The following NPC2 variants were observed in gnomAD, a reference collection of about 807,000 sequenced individuals.
NPC2 encodes the protein Niemann-Pick disease type C2 protein.
A neutral mutation model predicts 17.0 loss-of-function variants in NPC2; 14 were observed. The ratio of observed to expected loss-of-function variants is 0.82; its 90% CI spans 0.54 to 1.29. NPC2 has a LOEUF of 1.29. Among genes scored for constraint, NPC2 ranks in the 50% most tolerant of loss-of-function variants. NPC2 has a pLI of 0.00. For missense variants in NPC2, 167 were observed against 183.4 expected (o/e 0.91, Z 0.52); for synonymous variants, 75 against 69.3 (o/e 1.08, Z -0.41).
intron 1 of NPC2, among the ~76,000 whole-genome samples, chr14:74,489,085 C>T (rs1211007833): frequency 1.3e-5 from 2 of 152,152 alleles, no homozygotes; most frequent in African/African-American, 4.8e-5. Flanking sequence ...AAGAGGAGTA[C>T]AGAGGTTAAG....
At chr14:74,480,654 C>A (rs2086646472) in intron 4 of NPC2, 48 bp downstream of exon 4, 1 of 1,438,536 alleles carries the variant, frequency 7.0e-7, no homozygotes, top group Non-Finnish European at 9.8e-7. Flanking sequence ...GATTTCTCCT[C>A]CACTTTCTTC....
In NPC2 at chr14:74,489,263, T is replaced by C. The variant is rs147874233; in HGVS notation, c.83-2827A>G. ...AATATTAACTTGGCCTAGGTCTATA[T>C]AGCTGCTGGGAATGATACACTTGCA... On this transcript the variant is annotated intron_variant, in intron 1 of 4. Coordinates refer to ENST00000555619, the MANE Select transcript of NPC2 (RefSeq NM_006432.5). Among the ~76,000 whole-genome samples, 249 of 152,322 alleles carry C rather than the reference T, an allele frequency of 1.6e-3. 1 individual carries two copies. The highest frequency in any genetic ancestry group is 3.6e-3 in the African/African-American group (151 of 41,578).
chr14:74,485,453 T>C (rs1006106757), intron 2 of NPC2, among the ~76,000 whole-genome samples: 1 of 152,024 alleles, frequency 6.6e-6, no homozygotes, highest in African/African-American at 2.4e-5. Flanking sequence ...TAGGGTATTT[T>C]GGAGACCCAG....
At position 74,480,376 on chromosome 14, in the gene NPC2, C is replaced by T. The variant is rs553425159; in HGVS notation, c.442-88G>A. On this transcript the variant is annotated intron_variant, in intron 4 of 4. Transcript: ENST00000555619. ...AATAACCCTAGGGCAAGTTATCAGA[C>T]ATTCCTAAGCAACCTCCTTCAGGTC... 49 of 1,156,962 alleles carry T rather than the reference C, an allele frequency of 4.2e-5. 1 individual carries two copies. The South Asian group carries it at 4.9e-4, about 12-fold the overall frequency. 71.7% of individuals were successfully genotyped at this position (1,156,962 alleles called of 1,614,324 possible).
At chr14:74,488,643 G>C in intron 1 of NPC2, among the ~76,000 whole-genome samples, 1 of 152,168 alleles carries the variant, frequency 6.6e-6, no homozygotes, top group East Asian at 1.9e-4. Flanking sequence ...GAACTGGGGA[G>C]GCAGAGGTTG....
At chr14:74,483,555 C>T in intron 3 of NPC2, 1 of 1,408,316 alleles carries the variant, frequency 7.1e-7, no homozygotes, top group Non-Finnish European at 9.5e-7. Context: ...GAATGAAGAA[C>T]TATTGCCTAA....
intron 3 of NPC2, chr14:74,483,531 G>C: frequency 6.7e-7 from 1 of 1,503,620 alleles, no homozygotes; most frequent in Non-Finnish European, 8.9e-7. Context: ...CAGCAGCTCT[G>C]AGCTAGGTTA....
chr14:74,492,932 T>C (rs1233081512), intron 1 of NPC2, among the ~76,000 whole-genome samples: 1 of 152,190 alleles, frequency 6.6e-6, no homozygotes, highest in Non-Finnish European at 1.5e-5. Context: ...TTTAGGAAAC[T>C]TCAGCAAAAG....
intron 3 of NPC2, among the ~76,000 whole-genome samples, chr14:74,481,478 A>G (rs892718615): frequency 3.3e-5 from 5 of 152,254 alleles, no homozygotes; most frequent in African/African-American, 1.2e-4. Context: ...ATGGACTAAC[A>G]CATGAAGGCT....
At chr14:74,482,807 T>A (rs929404755) in intron 3 of NPC2, among the ~76,000 whole-genome samples, 1 of 151,808 alleles carries the variant, frequency 6.6e-6, no homozygotes, top group African/African-American at 2.4e-5. Context: ...AGGATGGTCA[T>A]GAGATCCAAG....
rs1011669605 is a variant in NPC2 at position 74,484,514 on chromosome 14, A to G, written c.264T>C (p.Pro88=). ...TTCCACTCTTACAACCATCAGGCTC[A>G]GGAATGGGAAAGGGAACTGGGACGC... The part of the protein sequence containing the change: ...LMGVPVPFPI[P]EPDGCKSGIN... The change falls in exon 3 of 5, where the codon CCT becomes CCC. Residue 88 remains proline, a synonymous_variant. Coordinates refer to ENST00000555619, the MANE Select transcript of NPC2 (RefSeq NM_006432.5). 12 of 1,614,048 alleles carry G rather than the reference A, an allele frequency of 7.4e-6. No individual in the cohort carries two copies. In the African/African-American group the frequency reaches 1.2e-4, roughly 16 times the overall value.
chr14:74,481,799 G>A (rs180866143), intron 3 of NPC2, among the ~76,000 whole-genome samples: 80 of 152,274 alleles, frequency 5.3e-4, no homozygotes, highest in Non-Finnish European at 8.8e-4. Flanking sequence ...CTCATATCAC[G>A]TGAGTGGTCC....
At chr14:74,491,731 C>T (rs1053232522) in intron 1 of NPC2, among the ~76,000 whole-genome samples, 1 of 152,208 alleles carries the variant, frequency 6.6e-6, no homozygotes, top group African/African-American at 2.4e-5. Flanking sequence ...TGAAAGAGAT[C>T]AGGACTCACC....
chr14:74,488,718 A>T (rs1353399454), intron 1 of NPC2, among the ~76,000 whole-genome samples: 1 of 146,114 alleles, frequency 6.8e-6, no homozygotes, highest in Non-Finnish European at 1.5e-5. Context: ...TGTCTCAAAA[A>T]ATAAAATAAA....
Position 74,484,409 on chromosome 14 carries a change from A to C in NPC2, c.363+6T>G. Reference sequence around the variant, plus strand: ...CTCCCGTGTCCTCAATAATGGTATCACTTACAGAGGGATATTCGCTTTTCA... The same window carrying C: ...CTCCCGTGTCCTCAATAATGGTATCCCTTACAGAGGGATATTCGCTTTTCA... On this transcript the variant is annotated splice_donor_region_variant and intron_variant, in intron 3 of 4. Transcript: ENST00000555619. 1 of 1,613,848 alleles carries C rather than the reference A, an allele frequency of 6.2e-7. No homozygotes were observed.
At chr14:74,486,624 C>G (rs1319306414) in intron 1 of NPC2, among the ~76,000 whole-genome samples, 188 bp from the exon 2 acceptor site, 3 of 152,158 alleles carry the variant, frequency 2.0e-5, no homozygotes, top group Non-Finnish European at 4.4e-5. Flanking sequence ...ATTCATCTTG[C>G]TGCTAAAATC....
intron 3 of NPC2, chr14:74,482,882 TGGGAGGAGGGAGGAGGGAGGAGGGAGGA>T: frequency 4.7e-6 from 2 of 422,626 alleles, no homozygotes; most frequent in Non-Finnish European, 8.7e-6. Context: ...GAGCCGCAGC[TGGGAGGAGGGAGGAGGGAGGAGGGAGGA>T]GGGAGGAGGA....
intron 4 of NPC2, 200 bp from the exon 5 acceptor site, chr14:74,480,488 T>C: frequency 1.3e-6 from 1 of 764,214 alleles, no homozygotes; most frequent in Non-Finnish European, 2.3e-6. Flanking sequence ...CTCTCTTCTT[T>C]CCTTCAACCT....
rs2086639093 is a variant in NPC2 at position 74,480,111 on chromosome 14, C to G, written c.*163G>C. On this transcript the variant is annotated 3_prime_UTR_variant, in exon 5 of 5. Transcript: ENST00000555619. ...AGAGACATGAGACAACCACTGAGAA[C>G]CAGCCACCCGGAGCTCAGTTTCTGC... is the stretch of plus-strand genomic sequence containing the variant. 1 of 1,553,602 alleles carries G rather than the reference C, an allele frequency of 6.4e-7. No homozygotes were observed. Among genetic ancestry groups the G allele is most frequent in the Non-Finnish European group, 8.7e-7 (1 of 1,153,322 alleles).
Sources: gnomAD v4.1 joint callset for allele counts (sites outside exome capture counted in the v4.1 genomes callset) on GRCh38, gnomAD v4.1.1 for gene constraint, MANE v1.5 for transcripts, NCBI Gene and HGNC (gene_info 2026-07-23, HGNC 2026-07-21) for gene names.